The following DLGAP2 variants were observed in gnomAD, a reference collection of about 807,000 sequenced individuals.
The protein encoded by DLGAP2 is disks large-associated protein 2.
DLGAP2 carries 26 observed loss-of-function variants against 100.3 expected under a neutral mutation model. The observed-to-expected ratio is 0.26, with a 90% CI of 0.19 to 0.36. The LOEUF is 0.36. Among genes scored for constraint, DLGAP2 ranks in the 10% least tolerant of loss-of-function variants. DLGAP2 has a pLI of 1.00. For missense variants in DLGAP2, 1,858 were observed against 1,453.2 expected, an observed-to-expected ratio of 1.28 and a Z score of -4.53; for synonymous variants, 886 against 630.1, an observed-to-expected ratio of 1.41 and a Z score of -6.08.
intron 2 of DLGAP2, among the ~76,000 whole-genome samples, chr8:1,170,131 T>C (rs1015376978): frequency 6.6e-6 from 1 of 152,244 alleles, no homozygotes; most frequent in African/African-American, 2.4e-5. Context: ...TCTGCGTCTA[T>C]TAAGATAATC....
In DLGAP2 at chr8:1,551,954, C is replaced by T. The variant is rs576304509; in HGVS notation, c.1230+2271C>T. Among the ~76,000 whole-genome samples the T allele has an allele frequency of 3.9e-4, 60 of 152,292 alleles. 1 individual carries two copies. The highest frequency in any genetic ancestry group is 2.9e-3 in the South Asian group (14 of 4,816). Reference sequence around the variant, plus strand: ...CAGCTGCTGATGAGCCTCTTCATCTCGTTCAGCCCGAGGTTTCTCCTCTCT... The same window carrying T: ...CAGCTGCTGATGAGCCTCTTCATCTTGTTCAGCCCGAGGTTTCTCCTCTCT... On this transcript the variant is annotated intron_variant, in intron 5 of 14. Coordinates refer to ENST00000637795, the MANE Select transcript of DLGAP2 (RefSeq NM_001346810.2).
At chr8:759,199 CATTATCAATACCCCCCACA>C (rs1164143066) in intron 1 of DLGAP2, among the ~76,000 whole-genome samples, 1 of 135,980 alleles carries the variant, frequency 7.4e-6, no homozygotes, top group African/African-American at 2.7e-5. Flanking sequence ...ACAGCCTTCC[CATTATCAATACCCCCCACA>C]GCCTTCCTGT....
intron 3 of DLGAP2, among the ~76,000 whole-genome samples, chr8:1,387,684 G>A (rs1796251912): frequency 6.6e-6 from 1 of 152,200 alleles, no homozygotes; most frequent in South Asian, 2.1e-4. Context: ...TGGGTCCTGG[G>A]TTTTGGGTTG....
chr8:1,092,314 GCTGA>G lies in DLGAP2; in HGVS notation c.74-166536_74-166533del, dbSNP rs1804212039. 3.3e-5 allele frequency among the ~76,000 whole-genome samples: 5 copies of G among 152,344 alleles called. No homozygotes were observed. In the South Asian group the frequency reaches 1.0e-3, roughly 32 times the overall value. On this transcript the variant is annotated intron_variant, in intron 2 of 14. Coordinates refer to ENST00000637795, the MANE Select transcript of DLGAP2 (RefSeq NM_001346810.2). Reference sequence around the variant, plus strand: ...CGGGCTGGCACCTCCACAGCCCTCTGCTGATGTGCAATATGTGTGCTTGGTGGCC... The same window carrying G: ...CGGGCTGGCACCTCCACAGCCCTCTGTGTGCAATATGTGTGCTTGGTGGCC...
intron 6 of DLGAP2, among the ~76,000 whole-genome samples, chr8:1,582,838 C>A (rs1264437914): frequency 6.6e-6 from 1 of 152,140 alleles, no homozygotes. Flanking sequence ...CCTGAAATGG[C>A]CCACCCTCCT....
At chr8:1,257,710 C>T (rs966126306) in intron 2 of DLGAP2, among the ~76,000 whole-genome samples, 5 of 151,422 alleles carry the variant, frequency 3.3e-5, no homozygotes, top group South Asian at 4.2e-4. Flanking sequence ...GTGGAAGAGC[C>T]GGTGTCCTCC....
At chr8:1,628,795 A>T (rs58659396) in intron 7 of DLGAP2, among the ~76,000 whole-genome samples, 9,303 of 152,120 alleles carry the variant, frequency 0.061, 791 homozygotes, top group African/African-American at 0.19. Context: ...CGCAGGGATT[A>T]AGAGCCTGAG....
intron 2 of DLGAP2, among the ~76,000 whole-genome samples, chr8:931,944 G>A (rs944542580): frequency 6.6e-6 from 1 of 152,162 alleles, no homozygotes; most frequent in South Asian, 2.1e-4. Context: ...TGGTCCCCAT[G>A]GCTGGAAGGA....
chr8:1,171,302 A>T (rs1373741466), intron 2 of DLGAP2, among the ~76,000 whole-genome samples: 2 of 152,020 alleles, frequency 1.3e-5, no homozygotes, highest in African/African-American at 4.8e-5. Flanking sequence ...TTACTTCCAG[A>T]GTATGTGGTC....
chr8:1,300,130 T>C (rs965533441), intron 3 of DLGAP2: 1 of 152,254 alleles, frequency 6.6e-6, no homozygotes, highest in Admixed American at 6.5e-5. Context: ...GGGCATTGGG[T>C]TCAGCATATC....
rs145902759 is a variant in DLGAP2 at position 1,234,661 on chromosome 8, G to A, written c.74-24190G>A. Among the ~76,000 whole-genome samples, 344 of 152,242 alleles carry A rather than the reference G, an allele frequency of 2.3e-3. 1 individual carries two copies. Among genetic ancestry groups the A allele is most frequent in the African/African-American group, 6.8e-3 (281 of 41,540 alleles). ...AATAATCCCGTCTCTGGAACAGATC[G>A]AGAACGAGGCTTAAAATTATGTCCC... On this transcript the variant is annotated intron_variant, in intron 2 of 14. Transcript: ENST00000637795.
chr8:1,331,445 C>T (rs561974812), intron 3 of DLGAP2, among the ~76,000 whole-genome samples: 1 of 152,270 alleles, frequency 6.6e-6, no homozygotes, highest in East Asian at 1.9e-4. Context: ...GCCCTCCTTC[C>T]AGGCACCATG....
intron 3 of DLGAP2, among the ~76,000 whole-genome samples, chr8:1,352,124 C>A (rs77362001): frequency 9.7e-3 from 105 of 10,780 alleles, no homozygotes; most frequent in South Asian, 0.025. Flanking sequence ...GTGTGTGGAA[C>A]GGCCGTGCGG....
chr8:1,661,536 G>C (rs533754798), intron 8 of DLGAP2, among the ~76,000 whole-genome samples: 61 of 152,316 alleles, frequency 4.0e-4, no homozygotes, highest in Admixed American at 2.8e-3. Context: ...ACTAAAATTA[G>C]AGGTTTATAT....
chr8:1,020,035 A>C (rs1348396403), intron 2 of DLGAP2, among the ~76,000 whole-genome samples: 1 of 152,254 alleles, frequency 6.6e-6, no homozygotes, highest in Admixed American at 6.5e-5. Flanking sequence ...TTTAACTGTC[A>C]ACAAATAAGT....
chr8:1,700,406 G>T (rs1267023461), intron 14 of DLGAP2, among the ~76,000 whole-genome samples: 1 of 72,240 alleles, frequency 1.4e-5, no homozygotes, highest in African/African-American at 7.9e-5. Flanking sequence ...ACTGTCTTTA[G>T]GAACAATGTG....
chr8:1,627,513 G>A (rs748326156), intron 7 of DLGAP2, among the ~76,000 whole-genome samples: 2 of 152,246 alleles, frequency 1.3e-5, no homozygotes, highest in African/African-American at 2.4e-5. Context: ...AAATCGGCAA[G>A]TGTCCTTCAG....
At chr8:1,494,048 G>T (rs534712997) in intron 3 of DLGAP2, among the ~76,000 whole-genome samples, 28 of 152,314 alleles carry the variant, frequency 1.8e-4, no homozygotes, top group Non-Finnish European at 3.4e-4. Flanking sequence ...GCATCGGGGG[G>T]GGCAGTAGGA....
intron 2 of DLGAP2, among the ~76,000 whole-genome samples, chr8:1,128,924 G>A (rs1485483516): frequency 1.3e-5 from 2 of 152,218 alleles, no homozygotes. Context: ...GAAGCTCCAT[G>A]AGGCAGGGTG....
Sources: gnomAD v4.1 joint callset for allele counts (sites outside exome capture counted in the v4.1 genomes callset) on GRCh38, gnomAD v4.1.1 for gene constraint, MANE v1.5 for transcripts, NCBI Gene and HGNC (gene_info 2026-07-23, HGNC 2026-07-21) for gene names.